The following RORA variants were observed in gnomAD, a reference collection of about 807,000 sequenced individuals.
RORA encodes nuclear receptor ROR-alpha.
RORA carries 7 observed loss-of-function variants against 69.5 expected under a neutral mutation model. The ratio of observed to expected loss-of-function variants is 0.10; its 90% CI spans 0.06 to 0.19. The LOEUF is 0.19. RORA is among the 10% of genes least tolerant of loss of function. RORA has a pLI of 1.00. For synonymous variants in RORA, 261 were observed against 240.8 expected (o/e 1.08, Z -0.78); for missense variants, 457 against 663.0 (o/e 0.69, Z 3.41).
intron 1 of RORA, among the ~76,000 whole-genome samples, chr15:60,943,639 G>A (rs536252003): frequency 6.6e-6 from 1 of 152,068 alleles, no homozygotes; most frequent in South Asian, 2.1e-4. Context: ...GGGTCGGCTG[G>A]GCATGGTGGC....
intron 1 of RORA, among the ~76,000 whole-genome samples, chr15:60,957,904 T>C (rs1893314733): frequency 6.6e-6 from 1 of 152,216 alleles, no homozygotes; most frequent in African/African-American, 2.4e-5. Context: ...TAAGGAGCTT[T>C]GTAAACATAA....
chr15:60,592,369 C>T (rs1291168471), intron 2 of RORA: 4 of 1,411,522 alleles, frequency 2.8e-6, no homozygotes, highest in Admixed American at 5.4e-5. Context: ...CCGGCCCCGG[C>T]GGGGCGCCCG....
intron 1 of RORA, among the ~76,000 whole-genome samples, chr15:60,977,707 C>A (rs1310767852): frequency 6.6e-6 from 1 of 152,152 alleles, no homozygotes; most frequent in Non-Finnish European, 1.5e-5. Context: ...TGGAAGCACA[C>A]TGTATGTGTC....
chr15:61,003,827 G>A lies in RORA; in HGVS notation c.166+225226C>T, dbSNP rs149134117. On this transcript the variant is annotated intron_variant, in intron 1 of 10. Coordinates refer to ENST00000335670, the MANE Select transcript of RORA (RefSeq NM_134261.3). The stretch of plus-strand genomic sequence containing the variant: ...ATAATAGCTGTGATTCACTCCAGCC[G>A]TAGCTAACAAGGCCTTGTGCTTTTC... Among the ~76,000 whole-genome samples the A allele has an allele frequency of 2.3e-3, 349 of 152,296 alleles. 1 individual carries two copies. The highest frequency in any genetic ancestry group is 2.9e-3 in the Non-Finnish European group (195 of 68,030).
intron 1 of RORA, among the ~76,000 whole-genome samples, chr15:61,007,391 A>G (rs989718841): frequency 2.6e-5 from 4 of 152,192 alleles, no homozygotes; most frequent in African/African-American, 9.6e-5. Flanking sequence ...CAAAAATAAC[A>G]TTCATCCATA....
intron 2 of RORA, among the ~76,000 whole-genome samples, chr15:60,603,029 A>T (rs1024248003): frequency 1.1e-4 from 17 of 152,214 alleles, no homozygotes; most frequent in African/African-American, 4.1e-4. Flanking sequence ...ATAGTATATT[A>T]TGCAGCCTGT....
chr15:60,579,651 C>T (rs908490459), intron 2 of RORA, among the ~76,000 whole-genome samples: 1 of 152,200 alleles, frequency 6.6e-6, no homozygotes, highest in East Asian at 1.9e-4. Context: ...CCCCCTCCAT[C>T]TCACCTAAGT....
intron 1 of RORA, among the ~76,000 whole-genome samples, chr15:60,949,233 C>T (rs1893003317): frequency 6.6e-6 from 1 of 152,180 alleles, no homozygotes; most frequent in African/African-American, 2.4e-5. Context: ...AGCTGAACCC[C>T]ACGTGATTCC....
chr15:60,526,537 C>T (rs1464719791), intron 3 of RORA, among the ~76,000 whole-genome samples: 3 of 152,152 alleles, frequency 2.0e-5, no homozygotes, highest in Non-Finnish European at 2.9e-5. Context: ...TTTAACACAG[C>T]CCTACCACTT....
At chr15:60,780,891 A>T (rs1037716903) in intron 1 of RORA, among the ~76,000 whole-genome samples, 1 of 152,106 alleles carries the variant, frequency 6.6e-6, no homozygotes, top group African/African-American at 2.4e-5. Context: ...ATAAAAGCTG[A>T]TTTTTACTTG....
chr15:61,068,524 C>A lies in RORA; in HGVS notation c.166+160529G>T, dbSNP rs938051840. Among the ~76,000 whole-genome samples the A allele has an allele frequency of 2.6e-5, 4 of 152,196 alleles. No homozygotes were observed. The East Asian group carries it at 7.7e-4, about 29-fold the overall frequency. On this transcript the variant is annotated intron_variant, in intron 1 of 10. Coordinates refer to ENST00000335670, the MANE Select transcript of RORA (RefSeq NM_134261.3). ...GTCTCATGATAATGGTTCAATTGTT[C>A]CATGTTCCTTGACATCCTGGACTCA... is the stretch of plus-strand genomic sequence containing the variant.
chr15:60,498,904 C>A (rs1001637531), intron 10 of RORA, among the ~76,000 whole-genome samples: 15 of 149,322 alleles, frequency 1.0e-4, no homozygotes, highest in Non-Finnish European at 2.1e-4. Flanking sequence ...AAAACAAAAC[C>A]AAAAACTTCT....
At position 60,660,627 on chromosome 15, in the gene RORA, G is replaced by A. The variant is rs536194450; in HGVS notation, c.196+18030C>T. 6.6e-5 allele frequency among the ~76,000 whole-genome samples: 10 copies of A among 152,284 alleles called. No homozygotes were observed. In the South Asian group the frequency reaches 2.1e-3, roughly 32 times the overall value. ...GTCAACTCCGACTTTTGGGAAGAAG[G>A]GAGGTGAACAGTTTCTCCATTCAGC... On this transcript the variant is annotated intron_variant, in intron 2 of 10. Coordinates refer to ENST00000335670, the MANE Select transcript of RORA (RefSeq NM_134261.3).
At chr15:61,041,058 G>A (rs1896742219) in intron 1 of RORA, 1 of 152,146 alleles carries the variant, frequency 6.6e-6, no homozygotes, top group Admixed American at 6.5e-5. Flanking sequence ...GAACCATAGG[G>A]GAGACAGTCA....
rs1002912269 is a variant in RORA at position 61,017,709 on chromosome 15, A to C, written c.166+211344T>G. Among the ~76,000 whole-genome samples, 4 of 152,188 alleles carry C rather than the reference A, an allele frequency of 2.6e-5. No individual in the cohort carries two copies. The South Asian group carries it at 6.2e-4, about 24-fold the overall frequency. ...AGAGAAAATCAGCCACGAGCCCCCCAAAAAGGCAAAACAAAGCTGTCTTGT... is the reference window on the plus strand; with the variant it reads ...AGAGAAAATCAGCCACGAGCCCCCCCAAAAGGCAAAACAAAGCTGTCTTGT... On this transcript the variant is annotated intron_variant, in intron 1 of 10. Transcript: ENST00000335670.
intron 1 of RORA, among the ~76,000 whole-genome samples, chr15:60,903,647 C>T (rs1281219454): frequency 6.6e-6 from 1 of 152,184 alleles, no homozygotes; most frequent in Non-Finnish European, 1.5e-5. Context: ...AATTTTACAC[C>T]GTGCTAGCCC....
chr15:60,624,658 G>A (rs944739388), intron 2 of RORA, among the ~76,000 whole-genome samples: 2 of 151,510 alleles, frequency 1.3e-5, no homozygotes, highest in African/African-American at 4.9e-5. Context: ...GGTAAATAAA[G>A]GGACATGCTA....
intron 1 of RORA, among the ~76,000 whole-genome samples, chr15:61,080,822 G>T (rs1247488120): frequency 6.6e-6 from 1 of 152,162 alleles, no homozygotes; most frequent in African/African-American, 2.4e-5. Context: ...AAGAATTCAG[G>T]TCGGCCCAAT....
intron 2 of RORA, among the ~76,000 whole-genome samples, chr15:60,549,470 G>C (rs962889472): frequency 6.6e-6 from 1 of 152,166 alleles, no homozygotes; most frequent in Non-Finnish European, 1.5e-5. Context: ...ATAAGACCAA[G>C]GTACTAAACT....
Sources: allele counts gnomAD v4.1 joint callset (sites outside exome capture counted in the v4.1 genomes callset), GRCh38; gene constraint gnomAD v4.1.1; transcripts MANE v1.5; gene names NCBI Gene and HGNC (gene_info 2026-07-23, HGNC 2026-07-21).